The following DMD variants were observed in gnomAD, a reference collection of about 807,000 sequenced individuals.
The protein encoded by DMD is dystrophin.
DMD carries 63 observed loss-of-function variants against 330.1 expected under a neutral mutation model. The ratio of observed to expected loss-of-function variants is 0.19; its 90% CI spans 0.16 to 0.24. The LOEUF (loss-of-function observed/expected upper bound fraction) is 0.24. Ranked by LOEUF, DMD falls within the 10% of genes least tolerant of loss-of-function variation. The probability of loss-of-function intolerance (pLI) is 1.00; values close to 1 mark genes in which losing one functional copy is unlikely to be tolerated. For missense variants in DMD, 3,344 were observed against 2,684.1 expected (o/e 1.25, Z -5.43); for synonymous variants, 1,223 against 959.8 (o/e 1.27, Z -5.07).
At chrX:32,432,886 C>T (rs2098244070) in intron 29 of DMD, among the ~76,000 whole-genome samples, 1 of 112,132 alleles carries the variant, frequency 8.9e-6, no homozygotes, top group Non-Finnish European at 1.9e-5. Context: ...TAATACGGCC[C>T]TCTCTGAGTC....
intron 67 of DMD, among the ~76,000 whole-genome samples, chrX:31,185,001 T>C (rs1414685070): frequency 3.1e-5 from 3 of 95,693 alleles, no homozygotes; most frequent in African/African-American, 1.2e-4. Context: ...CATTAGGAGA[T>C]ATACCTAATG....
intron 41 of DMD, among the ~76,000 whole-genome samples, chrX:32,331,219 G>A (rs895329343): frequency 3.6e-5 from 4 of 111,646 alleles, no homozygotes; most frequent in Admixed American, 1.9e-4. Flanking sequence ...AAAAGGGAAT[G>A]GAAGGAATAT....
intron 63 of DMD, among the ~76,000 whole-genome samples, chrX:31,226,818 T>A (rs1406858279): frequency 9.0e-6 from 1 of 111,711 alleles, no homozygotes; most frequent in Admixed American, 9.5e-5. Flanking sequence ...CATCATTGAG[T>A]CCCTTTGACT....
chrX:31,201,865 C>T (rs1053692790), intron 67 of DMD, among the ~76,000 whole-genome samples: 12 of 112,049 alleles, frequency 1.1e-4, no homozygotes, highest in Non-Finnish European at 2.1e-4. Context: ...TATATGAACA[C>T]GTGTGTGTGT....
chrX:31,692,084 A>G (rs974698587), intron 52 of DMD, among the ~76,000 whole-genome samples: 1 of 111,977 alleles, frequency 8.9e-6, no homozygotes, highest in Non-Finnish European at 1.9e-5. Flanking sequence ...TGACCACAAT[A>G]TAAAATTAGA....
intron 1 of DMD, among the ~76,000 whole-genome samples, chrX:33,063,896 C>G (rs1249426520): frequency 1.8e-5 from 2 of 111,938 alleles, no homozygotes; most frequent in Admixed American, 1.9e-4. Flanking sequence ...ACTTCACGCA[C>G]TAGCACTTGT....
intron 1 of DMD, among the ~76,000 whole-genome samples, chrX:33,267,438 T>A (rs139965551): frequency 9.0e-6 from 1 of 111,056 alleles, no homozygotes; most frequent in East Asian, 2.9e-4. Context: ...AAACAACTTA[T>A]AGATTCAATG....
Position 32,312,942 on chromosome X carries a change from CAAAAAAAA to C in DMD, c.5923-2674_5923-2667del, listed in dbSNP as rs767993498. On this transcript the variant is annotated intron_variant, in intron 41 of 78. Coordinates refer to ENST00000357033, the MANE Select transcript of DMD (RefSeq NM_004006.3). The stretch of plus-strand genomic sequence containing the variant: ...ATTGAGGCAGTAATAGCCTACGAAC[CAAAAAAAA>C]AAAAAAAAAAAAAAGCCCAGGACCA... Among the ~76,000 whole-genome samples the C allele has an allele frequency of 3.9e-4, 8 of 20,377 alleles. 1 individual carries two copies. The highest frequency in any genetic ancestry group is 3.1e-3 in the East Asian group (1 of 323). The allele number at this position is 20,377 out of a possible 115,157, so 17.7% of individuals were successfully genotyped here.
chrX:32,717,443 C>G (rs1006220963), intron 7 of DMD, among the ~76,000 whole-genome samples: 1 of 111,672 alleles, frequency 9.0e-6, no homozygotes, highest in African/African-American at 3.3e-5. Flanking sequence ...TGCAAGTGTG[C>G]AGAGTGTGAG....
At chrX:32,363,118 C>T (rs2097843084) in intron 36 of DMD, among the ~76,000 whole-genome samples, 160 bp from the exon 37 acceptor site, 1 of 111,037 alleles carries the variant, frequency 9.0e-6, no homozygotes, top group Non-Finnish European at 1.9e-5. Context: ...GCAGAAAATA[C>T]AAAGGGAGAT....
chrX:32,182,206 C>G (rs761878571), intron 44 of DMD, among the ~76,000 whole-genome samples: 73 of 111,836 alleles, frequency 6.5e-4, no homozygotes, highest in African/African-American at 2.3e-3. Context: ...GCGAATAATT[C>G]TACTCCAGGA....
At position 32,031,341 on chromosome X, in the gene DMD, C is replaced by G. The variant is rs1007980301; in HGVS notation, c.6439-62827G>C. Among the ~76,000 whole-genome samples, 3 of 111,049 alleles carry G rather than the reference C, an allele frequency of 2.7e-5. No individual in the cohort carries two copies. In the East Asian group the frequency reaches 8.5e-4, roughly 32 times the overall value. On this transcript the variant is annotated intron_variant, in intron 44 of 78. Coordinates refer to ENST00000357033, the MANE Select transcript of DMD (RefSeq NM_004006.3). ...TAGGTCTCCTTGATTTTTATTAGTCCACAGTAGGTCATGAGGTCATCTTTG... is the reference window on the plus strand; with the variant it reads ...TAGGTCTCCTTGATTTTTATTAGTCGACAGTAGGTCATGAGGTCATCTTTG...
chrX:32,597,255 T>G (rs2055664923), intron 12 of DMD, among the ~76,000 whole-genome samples: 1 of 111,967 alleles, frequency 8.9e-6, no homozygotes, highest in South Asian at 3.7e-4. Flanking sequence ...TTAATCATAG[T>G]ATTGTCACTA....
chrX:32,564,902 G>A (rs146763397), intron 16 of DMD, among the ~76,000 whole-genome samples: 1,350 of 111,558 alleles, frequency 0.012, 13 homozygotes, highest in Middle Eastern at 0.019. Context: ...CCTGTGCATT[G>A]AGCTATGAAT....
chrX:33,005,297 C>CATATAT (rs35055456), intron 2 of DMD, among the ~76,000 whole-genome samples: 1 of 104,071 alleles, frequency 9.6e-6, no homozygotes, highest in Non-Finnish European at 2.0e-5. Flanking sequence ...CACACACACG[C>CATATAT]ATATATATAT....
At chrX:32,424,947 T>A in intron 29 of DMD, among the ~76,000 whole-genome samples, 1 of 111,834 alleles carries the variant, frequency 8.9e-6, no homozygotes, top group African/African-American at 3.2e-5. Context: ...GAGATGCTAA[T>A]CAAAGATAAC....
At chrX:31,965,662 C>T (rs2095344575) in intron 45 of DMD, among the ~76,000 whole-genome samples, 1 of 111,764 alleles carries the variant, frequency 8.9e-6, no homozygotes, top group South Asian at 3.7e-4. Flanking sequence ...TTTGTATCAA[C>T]CTATGACTTC....
chrX:32,696,813 G>A (rs2147561295), intron 9 of DMD, among the ~76,000 whole-genome samples: 1 of 111,338 alleles, frequency 9.0e-6, no homozygotes, highest in African/African-American at 3.3e-5. Flanking sequence ...GAGAGTCGAT[G>A]GAGAGTCAAG....
intron 17 of DMD, among the ~76,000 whole-genome samples, chrX:32,520,564 G>A (rs752241154): frequency 9.0e-6 from 1 of 111,488 alleles, no homozygotes; most frequent in Non-Finnish European, 1.9e-5. Context: ...CAGCTCCCTT[G>A]CCCCTCAGTT....
Sources: allele counts gnomAD v4.1 joint callset (sites outside exome capture counted in the v4.1 genomes callset), GRCh38; gene constraint gnomAD v4.1.1; transcripts MANE v1.5; gene names NCBI Gene and HGNC (gene_info 2026-07-23, HGNC 2026-07-21).